SLIT1: variants seen among roughly 807,000 people sequenced by gnomAD.
SLIT1 encodes slit guidance ligand 1.
Under a neutral mutation model 186.1 loss-of-function variants are expected in SLIT1, and 66 were observed. That is an observed-to-expected ratio of 0.35 (90% CI 0.29 to 0.44). The LOEUF (loss-of-function observed/expected upper bound fraction) is 0.44. SLIT1 is among the 20% of genes least tolerant of loss of function. SLIT1 has a pLI of 1.00. For missense variants in SLIT1, 1,638 were observed against 2,037.4 expected, an observed-to-expected ratio of 0.80 and a Z score of 3.77; for synonymous variants, 761 against 833.8, an observed-to-expected ratio of 0.91 and a Z score of 1.50.
chr10:97,056,572 G>C, intron 12 of SLIT1, 108 bp from the exon 13 acceptor site: 1 of 1,213,842 alleles, frequency 8.2e-7, no homozygotes, highest in Non-Finnish European at 1.2e-6. Flanking sequence ...ACAGGGAGGA[G>C]CCCATCGGAG....
chr10:97,020,948 C>T (rs1848497191), intron 26 of SLIT1, among the ~76,000 whole-genome samples: 1 of 152,276 alleles, frequency 6.6e-6, no homozygotes, highest in Non-Finnish European at 1.5e-5. Context: ...AAAGGGAGGT[C>T]TGAGCGCATG....
chr10:97,012,151 C>T (rs1706906200), intron 30 of SLIT1, among the ~76,000 whole-genome samples: 1 of 150,116 alleles, frequency 6.7e-6, no homozygotes, highest in Admixed American at 6.7e-5. Flanking sequence ...AAACCAGATT[C>T]ATACAACAAT....
intron 8 of SLIT1, among the ~76,000 whole-genome samples, 181 bp downstream of exon 8, chr10:97,063,274 G>A (rs1025407347): frequency 2.0e-5 from 3 of 151,896 alleles, no homozygotes; most frequent in Admixed American, 6.6e-5. Flanking sequence ...GGGGCAGGAG[G>A]GGCAGATAGT....
chr10:97,075,889 G>A (rs1240554388), intron 4 of SLIT1, among the ~76,000 whole-genome samples: 2 of 152,202 alleles, frequency 1.3e-5, no homozygotes, highest in Non-Finnish European at 2.9e-5. Context: ...TATAACCTCT[G>A]TACTGGTTAG....
chr10:97,130,807 C>T (rs975648771), intron 4 of SLIT1, among the ~76,000 whole-genome samples: 1 of 152,186 alleles, frequency 6.6e-6, no homozygotes, highest in South Asian at 2.1e-4. Context: ...CGCATAAAAA[C>T]ACCACACCAG....
chr10:97,025,063 A>G (rs1283459293), intron 25 of SLIT1, among the ~76,000 whole-genome samples: 1 of 152,216 alleles, frequency 6.6e-6, no homozygotes, highest in Non-Finnish European at 1.5e-5. Flanking sequence ...TGAGGTCAGG[A>G]GTTCAAGACC....
chr10:97,144,985 T>C (rs1040791248), intron 4 of SLIT1, among the ~76,000 whole-genome samples: 4 of 151,916 alleles, frequency 2.6e-5, no homozygotes, highest in Non-Finnish European at 5.9e-5. Context: ...GTACCCAGGA[T>C]CACTGGAGGA....
chr10:97,064,489 G>C (rs550179910), intron 6 of SLIT1, among the ~76,000 whole-genome samples: 3 of 152,166 alleles, frequency 2.0e-5, no homozygotes, highest in Non-Finnish European at 4.4e-5. Flanking sequence ...GGAGCAGGGC[G>C]GGTGATGGGA....
intron 1 of SLIT1, among the ~76,000 whole-genome samples, chr10:97,183,371 T>C (rs1409974061): frequency 3.3e-5 from 5 of 152,186 alleles, no homozygotes; most frequent in African/African-American, 1.2e-4. Context: ...CCCTATCCTA[T>C]CATAATAATG....
chr10:97,136,587 C>T (rs1421661494), intron 4 of SLIT1, among the ~76,000 whole-genome samples: 7 of 152,224 alleles, frequency 4.6e-5, no homozygotes, highest in African/African-American at 1.7e-4. Flanking sequence ...AACCCATCTC[C>T]TTACACGAAA....
chr10:97,040,485 C>T (rs1488127378), intron 20 of SLIT1, among the ~76,000 whole-genome samples: 4 of 152,034 alleles, frequency 2.6e-5, no homozygotes, highest in East Asian at 3.9e-4. Context: ...GGTGCAGCAT[C>T]GCCCCTAGAA....
intron 8 of SLIT1, among the ~76,000 whole-genome samples, chr10:97,061,384 G>C (rs1848892651): frequency 6.6e-6 from 1 of 152,228 alleles, no homozygotes; most frequent in African/African-American, 2.4e-5. Flanking sequence ...CTTATACAAA[G>C]TGTTCTTTCT....
chr10:97,064,981 T>G, intron 5 of SLIT1, 105 bp from the exon 6 acceptor site: 1 of 761,568 alleles, frequency 1.3e-6, no homozygotes, highest in Non-Finnish European at 2.1e-6. Flanking sequence ...GGTGCACCCC[T>G]AGCCGTTTGT....
rs1276373076 is a variant in SLIT1, at chr10:97,004,237, G to T, written c.3711-15C>A. On this transcript the variant is annotated splice_polypyrimidine_tract_variant and intron_variant, in intron 33 of 36. Coordinates refer to ENST00000266058, the MANE Select transcript of SLIT1 (RefSeq NM_003061.3). The surrounding 1 kb of genome is among the most constrained non-coding windows in gnomAD (Gnocchi z 5.1). The stretch of plus-strand genomic sequence containing the variant: ...TCGTCTCAGCACTGGAGGAAGAGGG[G>T]GTTCCCCGTTCCAGGGAGTGGGCAT... 29 of 1,593,780 alleles carry T rather than the reference G, an allele frequency of 1.8e-5. No homozygotes were observed. Among genetic ancestry groups the T allele is most frequent in the Non-Finnish European group, 2.5e-5 (29 of 1,163,346 alleles).
Position 97,185,554 on chromosome 10 carries a change from T to G in SLIT1, c.121A>C (p.Thr41Pro), listed in dbSNP as rs768545702. Residue 41 changes from threonine (T) to proline (P), a missense_variant, in exon 1 of 37, where the codon ACC becomes CCC. Thr to Pro is a conservative substitution (Grantham distance 38). Coordinates refer to ENST00000266058, the MANE Select transcript of SLIT1 (RefSeq NM_003061.3). ...CCGTGGCAGTCCACCGTGGTTCCGG[T>G]GCAGGTGCAGAGGGCGGGGCACGCC... ...ASACPALCTC[T>P]GTTVDCHGTG... is the part of the protein sequence containing the mutation. 2 of 1,611,150 alleles carry G rather than the reference T, an allele frequency of 1.2e-6. No individual in the cohort carries two copies. The highest frequency in any genetic ancestry group is 1.7e-6 in the Non-Finnish European group (2 of 1,179,424).
chr10:97,135,895 C>T (rs1229702647), intron 4 of SLIT1, among the ~76,000 whole-genome samples: 1 of 152,154 alleles, frequency 6.6e-6, no homozygotes, highest in African/African-American at 2.4e-5. Flanking sequence ...CAGGAGCTGA[C>T]ACACTGTGCC....
intron 4 of SLIT1, chr10:97,103,124 G>C (rs1170881450): frequency 1.3e-5 from 2 of 152,242 alleles, no homozygotes; most frequent in African/African-American, 4.8e-5. Flanking sequence ...AGACCGTATG[G>C]GCAGCTCTCC....
At chr10:97,055,147 G>A (rs1848825318) in intron 13 of SLIT1, among the ~76,000 whole-genome samples, 1 of 152,174 alleles carries the variant, frequency 6.6e-6, no homozygotes, top group Non-Finnish European at 1.5e-5. Flanking sequence ...AACCTGGGAG[G>A]TGGAGGTTGC....
intron 4 of SLIT1, among the ~76,000 whole-genome samples, chr10:97,085,660 A>T (rs1047346446): frequency 1.3e-5 from 2 of 152,252 alleles, no homozygotes; most frequent in African/African-American, 4.8e-5. Context: ...TGCTGGGATT[A>T]TGGGCGTGAG....
Sources: gnomAD v4.1 joint callset for allele counts (sites outside exome capture counted in the v4.1 genomes callset) on GRCh38, gnomAD v4.1.1 for gene constraint, Gnocchi (gnomAD v3.1) non-coding constraint, MANE v1.5 for transcripts, NCBI Gene and HGNC (gene_info 2026-07-23, HGNC 2026-07-21) for gene names.